The following HRH1 variants were observed in gnomAD, a reference collection of about 807,000 sequenced individuals.
HRH1 encodes the protein histamine receptor H1.
HRH1 carries 6 observed loss-of-function variants against 10.3 expected under a neutral mutation model. The observed-to-expected ratio is 0.58, with a 90% CI of 0.32 to 1.15. The LOEUF (loss-of-function observed/expected upper bound fraction) is 1.15. Ranked by LOEUF, HRH1 falls within the 50% of genes most tolerant of loss-of-function variation. The pLI, the probability that HRH1 is intolerant of heterozygous loss-of-function variation, is 0.05. For synonymous variants in HRH1, 242 were observed against 236.7 expected, an observed-to-expected ratio of 1.02 and a Z score of -0.21; for missense variants, 514 against 615.3, an observed-to-expected ratio of 0.84 and a Z score of 1.74.
chr3:11,175,653 G>A (rs777326793), intron 1 of HRH1, among the ~76,000 whole-genome samples: 9 of 152,262 alleles, frequency 5.9e-5, no homozygotes, highest in East Asian at 1.9e-4. Flanking sequence ...ATTTCACTAC[G>A]TAAGTATTTG....
intron 1 of HRH1, among the ~76,000 whole-genome samples, chr3:11,162,131 C>G (rs1027039477): frequency 6.6e-6 from 1 of 152,072 alleles, no homozygotes; most frequent in Non-Finnish European, 1.5e-5. Context: ...GTGGAAAGGA[C>G]GCATGCTCCC....
intron 1 of HRH1, chr3:11,234,644 T>C (rs539707366): frequency 9.8e-5 from 134 of 1,363,698 alleles, no homozygotes; most frequent in Non-Finnish European, 1.4e-4. Context: ...GTTATAAATA[T>C]GATTCGATCC....
chr3:11,185,677 A>C (rs995948022), intron 1 of HRH1, among the ~76,000 whole-genome samples: 2 of 152,130 alleles, frequency 1.3e-5, no homozygotes, highest in African/African-American at 4.8e-5. Flanking sequence ...TCATTTGCCT[A>C]TCTGGAAAAT....
At chr3:11,155,491 T>C (rs1331197475) in intron 1 of HRH1, among the ~76,000 whole-genome samples, 1 of 152,096 alleles carries the variant, frequency 6.6e-6, no homozygotes, top group Admixed American at 6.5e-5. Flanking sequence ...CAGTCCTCCA[T>C]GAAGATCCCA....
In HRH1 at chr3:11,259,718, C is replaced by T. The variant is rs1326216466; in HGVS notation, c.681C>T (p.Ile227=). ...VRQHCQHREL[I]NRSLPSFSEI... is the part of the protein sequence containing the mutation. ...AACACTGCCAGCACCGGGAGCTCAT[C>T]AATAGGTCCCTCCCTTCCTTCTCAG... The change falls in exon 2 of 2, where the codon ATC becomes ATT. Residue 227 remains isoleucine (I), a synonymous_variant. Transcript: ENST00000431010. The surrounding 1 kb of genome is among the most constrained non-coding windows in gnomAD (Gnocchi z 4.6). 2 of 1,614,024 alleles carry T rather than the reference C, an allele frequency of 1.2e-6. No individual in the cohort carries two copies. Among genetic ancestry groups the T allele is most frequent in the East Asian group, 4.5e-5 (2 of 44,880 alleles).
exon 1 of HRH1, chr3:11,137,347 T>C (rs561497255): frequency 4.9e-4 from 74 of 152,484 alleles, no homozygotes; most frequent in African/African-American, 1.7e-3. Context: ...AGAAATGAAC[T>C]ACAAGAAGCA....
intron 1 of HRH1, among the ~76,000 whole-genome samples, chr3:11,257,048 T>C (rs1939799793): frequency 6.7e-6 from 1 of 148,828 alleles, no homozygotes; most frequent in Non-Finnish European, 1.5e-5. Flanking sequence ...AGGTCAGGAG[T>C]TCAAGATCAG....
At chr3:11,215,631 C>T (rs918397504) in intron 1 of HRH1, among the ~76,000 whole-genome samples, 11 of 152,312 alleles carry the variant, frequency 7.2e-5, no homozygotes, top group Admixed American at 2.6e-4. Flanking sequence ...TTAGTAGAGA[C>T]AGGGTTTCAC....
At chr3:11,246,245 G>A (rs1235155236) in intron 1 of HRH1, among the ~76,000 whole-genome samples, 1 of 152,232 alleles carries the variant, frequency 6.6e-6, no homozygotes, top group Non-Finnish European at 1.5e-5. Flanking sequence ...GAGCTAGGGA[G>A]AACCTACAGG....
At chr3:11,187,292 A>G (rs1385735074) in intron 1 of HRH1, among the ~76,000 whole-genome samples, 1 of 152,194 alleles carries the variant, frequency 6.6e-6, no homozygotes, top group African/African-American at 2.4e-5. Context: ...AGGGTATAGG[A>G]GGCTCCTAAG....
At chr3:11,166,931 C>T in intron 1 of HRH1, among the ~76,000 whole-genome samples, 1 of 3,436 alleles carries the variant, frequency 2.9e-4, no homozygotes, top group South Asian at 7.6e-3. Context: ...CGCAACATCT[C>T]CTTCCCCTGG....
rs1015829228 is a variant in HRH1, at chr3:11,263,372, T to G, written c.*2871T>G. On this transcript the variant is annotated 3_prime_UTR_variant, in exon 2 of 2. Coordinates refer to ENST00000431010, the MANE Select transcript of HRH1 (RefSeq NM_001098212.2). The stretch of plus-strand genomic sequence containing the variant: ...AGATGCTGGGATGCTCCTGGCTATT[T>G]ATGCACCCTAAGTGCCATAGAGACA... 1.2e-5 allele frequency: 2 copies of G among 167,138 alleles called. No individual in the cohort carries two copies. The highest frequency in any genetic ancestry group is 6.5e-5 in the Admixed American group (1 of 15,284). 10.4% of individuals were successfully genotyped at this position (167,138 alleles called of 1,614,324 possible).
chr3:11,259,246 C>T lies in HRH1; in HGVS notation c.209C>T (p.Ser70Leu), dbSNP rs201217782. The T allele has an allele frequency of 8.1e-6, 13 of 1,613,470 alleles. No homozygotes were observed. The highest frequency in any genetic ancestry group is 1.7e-5 in the Admixed American group (1 of 59,956). Residue 70 changes from serine (S) to leucine (L), a missense_variant, in exon 2 of 2, where the codon TCG (serine) becomes TTG (leucine). Physicochemically the swap from Ser to Leu is moderately radical, Grantham distance 145. Transcript: ENST00000431010. The surrounding 1 kb of genome is among the most constrained non-coding windows in gnomAD (Gnocchi z 4.6). ...GGGAACCTGTACATCGTCAGCCTCT[C>T]GGTGGCGGACTTGATCGTGGGTGCC... ...TVGNLYIVSL[S>L]VADLIVGAVV... is the part of the protein sequence containing the mutation.
chr3:11,157,272 G>C (rs1223542518), intron 1 of HRH1, among the ~76,000 whole-genome samples: 2 of 152,134 alleles, frequency 1.3e-5, no homozygotes, highest in Non-Finnish European at 2.9e-5. Flanking sequence ...TGAATGTCAG[G>C]ATGGAAATGT....
chr3:11,188,897 CCTT>C (rs527440596), intron 1 of HRH1, among the ~76,000 whole-genome samples: 2 of 152,110 alleles, frequency 1.3e-5, no homozygotes, highest in Admixed American at 6.6e-5. Context: ...TCTGTTTTGC[CCTT>C]CTTCTTTAAG....
intron 1 of HRH1, among the ~76,000 whole-genome samples, chr3:11,156,381 C>T (rs1188955273): frequency 6.6e-6 from 1 of 152,122 alleles, no homozygotes; most frequent in Non-Finnish European, 1.5e-5. Context: ...GGGAGTGGTC[C>T]TTCCTGACCC....
chr3:11,190,998 G>A lies in HRH1; in HGVS notation c.-36+36444G>A, dbSNP rs559354372. On this transcript the variant is annotated intron_variant, in intron 1 of 1. Transcript: ENST00000431010. ...CAAGGTAGCAGGCCAACCATCACGT[G>A]GAAGGAAGAGTTCACAGTGCGCCCC... is the stretch of plus-strand genomic sequence containing the variant. 2.0e-5 allele frequency among the ~76,000 whole-genome samples: 3 copies of A among 152,242 alleles called. No individual in the cohort carries two copies. The South Asian group carries it at 6.2e-4, about 32-fold the overall frequency.
At chr3:11,186,489 A>G (rs1375813702) in intron 1 of HRH1, among the ~76,000 whole-genome samples, 1 of 152,208 alleles carries the variant, frequency 6.6e-6, no homozygotes, top group Non-Finnish European at 1.5e-5. Flanking sequence ...TGAGGCCCCA[A>G]GAGGTGAGCT....
intron 1 of HRH1, among the ~76,000 whole-genome samples, chr3:11,164,005 C>T (rs1936979870): frequency 6.6e-6 from 1 of 152,182 alleles, no homozygotes; most frequent in Non-Finnish European, 1.5e-5. Flanking sequence ...CCTCCATATC[C>T]CTGGTACCCA....
Sources: allele counts gnomAD v4.1 joint callset (sites outside exome capture counted in the v4.1 genomes callset), GRCh38; gene constraint gnomAD v4.1.1; non-coding constraint Gnocchi (gnomAD v3.1); transcripts MANE v1.5; gene names NCBI Gene and HGNC (gene_info 2026-07-23, HGNC 2026-07-21).